The following TXNL4A variants were observed in gnomAD, a reference collection of about 807,000 sequenced individuals.
TXNL4A encodes the protein thioredoxin-like protein 4A.
Under a neutral mutation model 14.6 loss-of-function variants are expected in TXNL4A, and 17 were observed. The observed-to-expected ratio is 1.16, with a 90% CI of 0.80 to 1.74. TXNL4A has a LOEUF of 1.74. Among genes scored for constraint, TXNL4A ranks in the 40% most tolerant of loss-of-function variants. The pLI is 0.00. For synonymous variants in TXNL4A, 83 were observed against 70.6 expected (o/e 1.18, Z -0.88); for missense variants, 74 against 195.2 (o/e 0.38, Z 3.70).
chr18:80,007,400 T>C (rs2051738569), intron 1 of TXNL4A, among the ~76,000 whole-genome samples: 1 of 152,204 alleles, frequency 6.6e-6, no homozygotes, highest in Admixed American at 6.5e-5. Context: ...AACAGGGGTG[T>C]CGTGCAGAGA....
chr18:79,994,898 G>C (rs2051650758), intron 1 of TXNL4A: 1 of 152,036 alleles, frequency 6.6e-6, no homozygotes. Context: ...GCCACTCACT[G>C]AACCGAAGGC....
intron 1 of TXNL4A, among the ~76,000 whole-genome samples, chr18:80,031,777 C>T (rs1426649110): frequency 6.6e-6 from 1 of 152,166 alleles, no homozygotes; most frequent in Non-Finnish European, 1.5e-5. Flanking sequence ...TGTGTATATT[C>T]CAGAAAATGA....
intron 1 of TXNL4A, among the ~76,000 whole-genome samples, chr18:79,983,045 G>C (rs2051488166): frequency 6.6e-6 from 1 of 152,132 alleles, no homozygotes; most frequent in South Asian, 2.1e-4. Context: ...TTGTCACCCA[G>C]GCTGGAGCAG....
chr18:80,015,556 C>T (rs2051802681), intron 1 of TXNL4A, among the ~76,000 whole-genome samples: 1 of 151,856 alleles, frequency 6.6e-6, no homozygotes, highest in Non-Finnish European at 1.5e-5. Flanking sequence ...GTTCCCCTTC[C>T]TGTGTCCATG....
Position 79,973,349 on chromosome 18 carries a change from G to A in TXNL4A, c.*336C>T, listed in dbSNP as rs1404203476. ...ACATCTCTGTTAAAGCCCAGCTCGC[G>A]GCATATGCTGTCACCGCAGCCCCAG... On this transcript the variant is annotated 3_prime_UTR_variant, in exon 3 of 3. Coordinates refer to ENST00000269601, the MANE Select transcript of TXNL4A (RefSeq NM_006701.5). 6 of 215,548 alleles carry A rather than the reference G, an allele frequency of 2.8e-5. No individual in the cohort carries two copies. Among genetic ancestry groups the A allele is most frequent in the Admixed American group, 5.5e-5 (1 of 18,234 alleles). The allele number at this position is 215,548 out of a possible 1,614,324, so 13.4% of individuals were successfully genotyped here. A position where few individuals can be genotyped will look rare whatever the true frequency, so the allele number is the denominator to read the frequency against.
At chr18:80,016,889 A>G (rs1168048020) in intron 1 of TXNL4A, among the ~76,000 whole-genome samples, 2 of 151,794 alleles carry the variant, frequency 1.3e-5, no homozygotes. Context: ...GTTTTTTCCA[A>G]TTCTGTGAAG....
chr18:79,994,257 C>T (rs2051645698), intron 1 of TXNL4A, among the ~76,000 whole-genome samples: 1 of 152,130 alleles, frequency 6.6e-6, no homozygotes, highest in South Asian at 2.1e-4. Flanking sequence ...TTAGTGTACC[C>T]GCGAACCAGA....
At chr18:79,977,957 T>C (rs2051404605) in intron 1 of TXNL4A, 2 of 473,488 alleles carry the variant, frequency 4.2e-6, no homozygotes, top group South Asian at 2.9e-5. Context: ...GAGTGAGCCA[T>C]CACTCCTGGC....
intron 2 of TXNL4A, among the ~76,000 whole-genome samples, chr18:79,975,505 G>A (rs1465610637): frequency 1.3e-5 from 2 of 152,196 alleles, no homozygotes; most frequent in African/African-American, 2.4e-5. Context: ...AGCATCTCCA[G>A]CCCCAGGCTG....
At chr18:79,992,429 C>T (rs2051633929), upstream of TXNL4A, among the ~76,000 whole-genome samples, 1 of 152,124 alleles carries the variant, frequency 6.6e-6, no homozygotes, top group South Asian at 2.1e-4. Flanking sequence ...AGTGGTGAGA[C>T]AAGGTGGTGG....
Position 79,999,476 on chromosome 18 carries a change from C to T in TXNL4A, c.-60-21775G>A, listed in dbSNP as rs772887820. 3.9e-4 allele frequency among the ~76,000 whole-genome samples: 53 copies of T among 135,732 alleles called. 1 individual carries two copies. Among genetic ancestry groups the T allele is most frequent in the Non-Finnish European group, 2.6e-4 (17 of 65,860 alleles). The allele number at this position is 135,732 out of a possible 152,430, so 89.0% of individuals were successfully genotyped here. On this transcript the variant is annotated intron_variant, in intron 1 of 2. Transcript: ENST00000585474. ...GCTTGAACCCGGGAGGTGGAGGTTACAGTGAGCCAAGACTGCGCCACTGCA... is the reference window on the plus strand; with the variant it reads ...GCTTGAACCCGGGAGGTGGAGGTTATAGTGAGCCAAGACTGCGCCACTGCA...
rs187530136 is a variant in TXNL4A, at chr18:80,015,059, G to A, written c.-61+18792C>T. Among the ~76,000 whole-genome samples, 605 of 152,252 alleles carry A rather than the reference G, an allele frequency of 4.0e-3. 4 individuals are homozygous for A. The highest frequency in any genetic ancestry group is 0.013 in the African/African-American group (559 of 41,550). On this transcript the variant is annotated intron_variant, in intron 1 of 2. Transcript: ENST00000585474. The stretch of plus-strand genomic sequence containing the variant: ...ACACAGGGCACCAAGTCCCTAGGCC[G>A]CACACAGCAAGGGGACCCTGGGCCC...
rs2051320010 is a variant in TXNL4A, at chr18:79,972,926, AC to A, written c.*758del. ...TGTACTGTTTTTATAACCAGAGTAA[AC>A]CTTTGGATTCTGTCATGGATTGAAT... On this transcript the variant is annotated 3_prime_UTR_variant, in exon 3 of 3. Transcript: ENST00000269601. 2 of 152,188 alleles carry A rather than the reference AC, an allele frequency of 1.3e-5. No homozygotes were observed. Among genetic ancestry groups the A allele is most frequent in the Admixed American group, 1.3e-4 (2 of 15,272 alleles). 9.4% of individuals were successfully genotyped at this position (152,188 alleles called of 1,614,324 possible). A position where few individuals can be genotyped will look rare whatever the true frequency, so the allele number is the denominator to read the frequency against.
Position 79,977,612 on chromosome 18 carries a change from G to A in TXNL4A, c.243C>T (p.Val81=). 1 of 1,606,768 alleles carries A rather than the reference G, an allele frequency of 6.2e-7. No homozygotes were observed. Among genetic ancestry groups the A allele is most frequent in the Non-Finnish European group, 8.5e-7 (1 of 1,177,346 alleles). The change falls in exon 2 of 3, where the codon GTC becomes GTT. Residue 81 remains valine, a synonymous_variant. Coordinates refer to ENST00000269601, the MANE Select transcript of TXNL4A (RefSeq NM_006701.5). The stretch of plus-strand genomic sequence containing the variant: ...AGATAACGTACCTGAAGAAAAACAT[G>A]ACAGTACATGGATCGTATAACTCAT... The part of the protein sequence containing the change: ...KMYELYDPCT[V]MFFFRNKHIM...
upstream of TXNL4A, among the ~76,000 whole-genome samples, chr18:79,989,469 C>G (rs181282543): frequency 4.9e-4 from 74 of 152,282 alleles, 2 homozygotes; most frequent in East Asian, 7.9e-3. Context: ...TGATCTGGCC[C>G]CCTGGCTTCG....
intron 1 of TXNL4A, among the ~76,000 whole-genome samples, chr18:80,016,637 T>G (rs2051812480): frequency 1.3e-5 from 2 of 152,330 alleles, no homozygotes; most frequent in Admixed American, 1.3e-4. Flanking sequence ...CCACATTGCT[T>G]GTTTTTCTCA....
chr18:80,018,248 C>T (rs1205326355), intron 1 of TXNL4A, among the ~76,000 whole-genome samples: 10 of 152,072 alleles, frequency 6.6e-5, no homozygotes, highest in African/African-American at 1.4e-4. Context: ...GGGTACATAA[C>T]GAAATGAAGG....
At chr18:79,976,627 G>C (rs571933335) in intron 2 of TXNL4A, 3 of 318,146 alleles carry the variant, frequency 9.4e-6, no homozygotes, top group Non-Finnish European at 1.9e-5. Context: ...TCAGAAAAGC[G>C]GGGTGATTTA....
intron 1 of TXNL4A, among the ~76,000 whole-genome samples, chr18:80,029,928 G>A (rs553039033): frequency 1.4e-4 from 22 of 152,226 alleles, no homozygotes; most frequent in African/African-American, 4.3e-4. Flanking sequence ...ATGAAGATAA[G>A]GTGCCTGGTC....
Sources: gnomAD v4.1 joint callset for allele counts (sites outside exome capture counted in the v4.1 genomes callset) on GRCh38, gnomAD v4.1.1 for gene constraint, MANE v1.5 for transcripts, NCBI Gene and HGNC (gene_info 2026-07-23, HGNC 2026-07-21) for gene names.